Variants in CMTR1 observed in about 807,000 individuals in gnomAD.
The protein encoded by CMTR1 is cap methyltransferase 1.
Under a neutral mutation model 107.0 loss-of-function variants are expected in CMTR1, and 39 were observed. That is an observed-to-expected ratio of 0.36 (90% CI 0.28 to 0.48). CMTR1 has a LOEUF of 0.48. Ranked by LOEUF, CMTR1 falls within the 20% of genes least tolerant of loss-of-function variation. The pLI, the probability that CMTR1 is intolerant of heterozygous loss-of-function variation, is 0.99. For missense variants in CMTR1, 672 were observed against 1,064.9 expected (o/e 0.63, Z 5.14); for synonymous variants, 366 against 379.5 (o/e 0.96, Z 0.41).
chr6:37,426,236 T>C, the CMTR1 span, among the ~76,000 whole-genome samples: 1 of 152,156 alleles, frequency 6.6e-6, no homozygotes. Context: ...TCTTAAGACT[T>C]TTTTTTAAGT....
intron 13 of CMTR1, among the ~76,000 whole-genome samples, chr6:37,465,967 G>A (rs1761500830): frequency 1.3e-5 from 2 of 151,648 alleles, no homozygotes; most frequent in Admixed American, 6.6e-5. Context: ...GTCCTTTGAT[G>A]CACTGAAGTT....
intron 18 of CMTR1, among the ~76,000 whole-genome samples, 193 bp downstream of exon 18, chr6:37,474,839 C>T (rs906816234): frequency 1.3e-5 from 2 of 152,168 alleles, no homozygotes; most frequent in Admixed American, 1.3e-4. Context: ...TAAGGAGGAG[C>T]GCAGTCTCCG....
chr6:37,431,012 CAAAAA>C (rs34543353), upstream of CMTR1, among the ~76,000 whole-genome samples: 21 of 50,324 alleles, frequency 4.2e-4, no homozygotes, highest in East Asian at 0.011. Flanking sequence ...GACTCCGTCT[CAAAAA>C]AAAAAAAAAA....
At chr6:37,429,630 T>A (rs1771337260), upstream of CMTR1, among the ~76,000 whole-genome samples, 1 of 152,172 alleles carries the variant, frequency 6.6e-6, no homozygotes, top group Non-Finnish European at 1.5e-5. Context: ...TGCATCCCCA[T>A]GACTGACTGA....
intron 11 of CMTR1, 80 bp from the exon 12 acceptor site, chr6:37,461,890 C>G: frequency 6.7e-7 from 1 of 1,503,116 alleles, no homozygotes; most frequent in Non-Finnish European, 9.2e-7. Context: ...TTGACTTTGT[C>G]ATATTTACTC....
upstream of CMTR1, chr6:37,433,164 G>A (rs780224208): frequency 6.6e-6 from 1 of 152,628 alleles, no homozygotes; most frequent in Admixed American, 6.5e-5. Context: ...GCCGGGACCC[G>A]GCCGGGGGAG....
chr6:37,431,702 G>A (rs1330479563), upstream of CMTR1, among the ~76,000 whole-genome samples: 2 of 152,148 alleles, frequency 1.3e-5, no homozygotes, highest in Non-Finnish European at 2.9e-5. Context: ...GAAATATTTC[G>A]AGATAGGGAC....
chr6:37,432,022 T>G (rs1771390011), upstream of CMTR1, among the ~76,000 whole-genome samples: 7 of 152,226 alleles, frequency 4.6e-5, no homozygotes. Flanking sequence ...TTCACCATGT[T>G]GGCCAGGCTG....
At chr6:37,428,283 G>A (rs1480328764), upstream of CMTR1, among the ~76,000 whole-genome samples, 1 of 152,182 alleles carries the variant, frequency 6.6e-6, no homozygotes, top group African/African-American at 2.4e-5. Context: ...AGGCAGTTAG[G>A]CAGATGGTCC....
intron 2 of CMTR1, among the ~76,000 whole-genome samples, chr6:37,441,077 G>A (rs1230360400): frequency 2.6e-5 from 4 of 152,198 alleles, no homozygotes; most frequent in African/African-American, 7.2e-5. Flanking sequence ...CTGCCCAAGA[G>A]GAACTTTAGG....
intron 10 of CMTR1, among the ~76,000 whole-genome samples, chr6:37,460,815 G>A (rs1761388257): frequency 6.6e-6 from 1 of 152,086 alleles, no homozygotes; most frequent in Non-Finnish European, 1.5e-5. Context: ...TTTTCATTTT[G>A]CAAAACAGAA....
In CMTR1 at chr6:37,462,898, T is replaced by G. The variant is rs1250397984; in HGVS notation, c.1395T>G (p.Ile465Met). Residue 465 changes from isoleucine to methionine, a missense_variant, in exon 13 of 24, where the codon ATT (isoleucine) becomes ATG (methionine). Ile to Met is a conservative substitution (Grantham distance 10). Around this residue, in one of 2 missense-constraint regions of CMTR1, gnomAD observed 583 missense variants for 968.4 expected, o/e 0.60. Coordinates refer to ENST00000373451, the MANE Select transcript of CMTR1 (RefSeq NM_015050.3). ...GGGATTACCTCTTCGCAGTGAATATTAAACTCAATCAGCTGCGGAACACGG... is the reference window on the plus strand; with the variant it reads ...GGGATTACCTCTTCGCAGTGAATATGAAACTCAATCAGCTGCGGAACACGG... ...DVRDYLFAVN[I>M]KLNQLRNTDS... The G allele has an allele frequency of 1.2e-6, 2 of 1,614,120 alleles. No homozygotes were observed. Among genetic ancestry groups the G allele is most frequent in the South Asian group, 2.2e-5 (2 of 91,082 alleles).
chr6:37,480,106 G>A lies in CMTR1; in HGVS notation c.2469G>A (p.Lys823=), dbSNP rs779862969. The change falls in exon 24 of 24, where the codon AAG becomes AAA. Residue 823 remains lysine, a synonymous_variant. Transcript: ENST00000373451. The part of the protein sequence containing the change: ...QKPQDQDKLS[K]EDVLSFIQMH... ...CCCAGGACCAGGACAAGCTGTCCAA[G>A]GAGGACGTCCTCTCCTTCATCCAGA... The A allele has an allele frequency of 4.4e-6, 7 of 1,599,816 alleles. No individual in the cohort carries two copies. The Admixed American group carries it at 1.0e-4, about 24-fold the overall frequency.
At chr6:37,479,876 G>C (rs1472743790) in intron 23 of CMTR1, 137 bp from the exon 24 acceptor site, 1 of 830,310 alleles carries the variant, frequency 1.2e-6, no homozygotes, top group African/African-American at 1.8e-5. Context: ...AGGGCCTACC[G>C]GGTACCTTTT....
At chr6:37,465,368 C>T (rs1306548797) in intron 13 of CMTR1, among the ~76,000 whole-genome samples, 1 of 151,744 alleles carries the variant, frequency 6.6e-6, no homozygotes, top group Admixed American at 6.6e-5. Flanking sequence ...ACGTCTTTGT[C>T]AGCATTTGGT....
intron 13 of CMTR1, among the ~76,000 whole-genome samples, chr6:37,469,274 C>T (rs1761575164): frequency 1.3e-5 from 2 of 152,034 alleles, no homozygotes; most frequent in Non-Finnish European, 2.9e-5. Flanking sequence ...TTCTCTGCTT[C>T]CCTTGTTTCT....
intron 16 of CMTR1, 124 bp from the exon 17 acceptor site, chr6:37,473,346 A>C (rs961969887): frequency 1.0e-6 from 1 of 983,296 alleles, no homozygotes; most frequent in Non-Finnish European, 1.5e-6. Flanking sequence ...GGTGCAGGGG[A>C]GCATATTTCA....
Position 37,481,507 on chromosome 6 carries a change from A to C in CMTR1, c.*1362A>C. Reference sequence around the variant, plus strand: ...GATCATTAAAGATAAACATATTTTTAATGCCTGTGTGGCTCTGTGTTGGGG... The same window carrying C: ...GATCATTAAAGATAAACATATTTTTCATGCCTGTGTGGCTCTGTGTTGGGG... On this transcript the variant is annotated 3_prime_UTR_variant, in exon 24 of 24. Coordinates refer to ENST00000373451, the MANE Select transcript of CMTR1 (RefSeq NM_015050.3). The C allele has an allele frequency of 9.1e-7, 1 of 1,104,834 alleles. No homozygotes were observed. Among genetic ancestry groups the C allele is most frequent in the Non-Finnish European group, 1.1e-6 (1 of 900,494 alleles). The allele number at this position is 1,104,834 out of a possible 1,614,324, so 68.4% of individuals were successfully genotyped here.
rs754842721 is a variant in CMTR1, at chr6:37,474,615, C to T, written c.1913C>T (p.Ser638Phe). ...KTELPRDTLL[S>F]VEIVHELKGE... ...GAGCTGCCCCGGGACACTCTGCTAT[C>T]TGTGGAAATTGTGCATGAGCTGAAA... The change falls in exon 18 of 24, where the codon TCT becomes TTT. Residue 638 changes from serine (S) to phenylalanine (F), a missense_variant. Physicochemically the swap from Ser to Phe is radical, Grantham distance 155. This residue lies in a region of CMTR1 where 583 missense variants were observed against 968.4 expected (regional missense o/e 0.60). Coordinates refer to ENST00000373451, the MANE Select transcript of CMTR1 (RefSeq NM_015050.3). The T allele has an allele frequency of 2.5e-6, 4 of 1,614,026 alleles. No individual in the cohort carries two copies. The South Asian group carries it at 4.4e-5, about 18-fold the overall frequency.
Sources: allele counts gnomAD v4.1 joint callset (sites outside exome capture counted in the v4.1 genomes callset), GRCh38; gene constraint gnomAD v4.1.1; regional missense constraint gnomAD v4.1.1; transcripts MANE v1.5; gene names NCBI Gene and HGNC (gene_info 2026-07-23, HGNC 2026-07-21).